YJU2: variants seen among roughly 807,000 people sequenced by gnomAD.
The protein encoded by YJU2 is YJU2 splicing factor homolog, also known as splicing factor YJU2.
Under a neutral mutation model 39.6 loss-of-function variants are expected in YJU2, and 28 were observed. That is an observed-to-expected ratio of 0.71 (90% confidence interval 0.52 to 0.97). The LOEUF is 0.97. YJU2 is among the 50% of genes least tolerant of loss of function. YJU2 has a pLI of 0.00. For missense variants in YJU2, 328 were observed against 430.4 expected, an observed-to-expected ratio of 0.76 and a Z score of 2.11; for synonymous variants, 184 against 182.4, an observed-to-expected ratio of 1.01 and a Z score of -0.07.
chr19:4,250,990 C>T (rs1415909350), intron 2 of YJU2, 37 bp from the exon 3 acceptor site: 2 of 1,601,984 alleles, frequency 1.2e-6, no homozygotes, highest in Non-Finnish European at 1.7e-6. Context: ...GAGCCAGCGT[C>T]CCAAGACAGC....
intron 4 of YJU2, among the ~76,000 whole-genome samples, chr19:4,256,405 G>C (rs1971021989): frequency 6.6e-6 from 1 of 151,808 alleles, no homozygotes; most frequent in African/African-American, 2.4e-5. Context: ...CCATGGCCAT[G>C]CAGAGCAACA....
chr19:4,248,942 C>T (rs1012007759), intron 1 of YJU2, among the ~76,000 whole-genome samples: 1 of 151,986 alleles, frequency 6.6e-6, no homozygotes, highest in Admixed American at 6.6e-5. Flanking sequence ...AAAACAAACC[C>T]TGGCTTTTTA....
intron 1 of YJU2, among the ~76,000 whole-genome samples, 189 bp from the exon 2 acceptor site, chr19:4,249,037 GGA>G: frequency 6.6e-6 from 1 of 152,252 alleles, no homozygotes; most frequent in Middle Eastern, 3.4e-3. Context: ...AACTCCACTA[GGA>G]GAGAGTCAGG....
intron 6 of YJU2, among the ~76,000 whole-genome samples, chr19:4,262,751 T>G (rs1350302547): frequency 6.6e-6 from 1 of 151,276 alleles, no homozygotes; most frequent in Non-Finnish European, 1.5e-5. Flanking sequence ...TTTACAAAAT[T>G]ACAAAAATTA....
intron 6 of YJU2, among the ~76,000 whole-genome samples, chr19:4,263,238 G>T (rs576423102): frequency 1.3e-5 from 2 of 152,080 alleles, no homozygotes; most frequent in Non-Finnish European, 2.9e-5. Context: ...CTAGGACTTC[G>T]GGCAGCTCTG....
chr19:4,263,290 A>T (rs1450872984), intron 6 of YJU2, among the ~76,000 whole-genome samples: 4 of 152,090 alleles, frequency 2.6e-5, no homozygotes, highest in African/African-American at 4.8e-5. Flanking sequence ...TTCCTTCTGG[A>T]GCACGGCTTC....
At chr19:4,250,988 G>A (rs759678293) in intron 2 of YJU2, 39 bp from the exon 3 acceptor site, 16 of 1,595,976 alleles carry the variant, frequency 1.0e-5, no homozygotes, top group African/African-American at 4.0e-5. Flanking sequence ...GGGAGCCAGC[G>A]TCCCAAGACA....
chr19:4,259,071 C>CTTTTTTTTTT (rs34728075), intron 5 of YJU2, among the ~76,000 whole-genome samples: 11 of 90,262 alleles, frequency 1.2e-4, no homozygotes, highest in African/African-American at 3.6e-4. Flanking sequence ...GAACACTTTT[C>CTTTTTTTTTT]TTTTTTTTTT....
At chr19:4,257,186 G>A (rs4807558) in intron 4 of YJU2, among the ~76,000 whole-genome samples, 78,401 of 151,884 alleles carry the variant, frequency 0.52, 21,098 homozygotes, top group East Asian at 0.65. Context: ...CTCAGTTTCC[G>A]TTTCTGTAAA....
chr19:4,248,585 G>A (rs1025229523), intron 1 of YJU2, among the ~76,000 whole-genome samples: 1 of 152,020 alleles, frequency 6.6e-6, no homozygotes, highest in Non-Finnish European at 1.5e-5. Context: ...CGGGGAACTC[G>A]GTCTCCTGCC....
chr19:4,251,360 G>A (rs1432894271), intron 3 of YJU2, among the ~76,000 whole-genome samples, 189 bp downstream of exon 3: 1 of 152,140 alleles, frequency 6.6e-6, no homozygotes, highest in Non-Finnish European at 1.5e-5. Flanking sequence ...AAAGACAGAA[G>A]CAACCTAGAT....
At chr19:4,258,497 C>A (rs1320674141) in intron 5 of YJU2, 74 bp downstream of exon 5, 2 of 1,504,196 alleles carry the variant, frequency 1.3e-6, no homozygotes, top group African/African-American at 2.8e-5. Context: ...TGCCCCAGAC[C>A]CTTTCCCCGC....
chr19:4,267,765 C>A lies in YJU2; in HGVS notation c.850C>A (p.Pro284Thr). Residue 284 changes from proline to threonine, a missense_variant, in exon 7 of 8, where the codon CCC becomes ACC. Pro to Thr is a conservative substitution (Grantham distance 38). Around this residue, in one of 2 missense-constraint regions of YJU2, gnomAD observed 244 missense variants for 264.6 expected, o/e 0.92. Coordinates refer to ENST00000262962, the MANE Select transcript of YJU2 (RefSeq NM_018074.6). ...DCSNGQPQAA[P>T]TPGAPQNRKE... The stretch of plus-strand genomic sequence containing the variant: ...CAGCAACGGGCAGCCTCAGGCGGCC[C>A]CCACCCCAGGTAAGGTCACAGAGTT... 6.2e-7 allele frequency: 1 copy of A among 1,611,908 alleles called. No homozygotes were observed. The highest frequency in any genetic ancestry group is 8.5e-7 in the Non-Finnish European group (1 of 1,179,362).
intron 5 of YJU2, among the ~76,000 whole-genome samples, 191 bp downstream of exon 5, chr19:4,258,614 T>C (rs1971043742): frequency 6.6e-6 from 1 of 152,238 alleles, no homozygotes; most frequent in African/African-American, 2.4e-5. Context: ...GCACGGTGAC[T>C]TAGCACGTGG....
At position 4,261,982 on chromosome 19, in the gene YJU2, T is replaced by G; in HGVS notation, c.588-12T>G. The stretch of plus-strand genomic sequence containing the variant: ...ACAGAGCACGTCCAAGTTCCCATCT[T>G]CCATCCCACAGGGCCCTGTTGGAGG... On this transcript the variant is annotated splice_polypyrimidine_tract_variant and intron_variant, in intron 5 of 7. Transcript: ENST00000262962. 1 of 1,612,292 alleles carries G rather than the reference T, an allele frequency of 6.2e-7. No homozygotes were observed. The highest frequency in any genetic ancestry group is 1.3e-5 in the African/African-American group (1 of 74,966).
At chr19:4,264,839 G>C (rs1971103713) in intron 6 of YJU2, among the ~76,000 whole-genome samples, 1 of 152,060 alleles carries the variant, frequency 6.6e-6, no homozygotes, top group African/African-American at 2.4e-5. Flanking sequence ...TGTTGCCCAG[G>C]CTGGTCTCAC....
chr19:4,259,038 A>G (rs1181209107), intron 5 of YJU2, among the ~76,000 whole-genome samples: 4 of 147,020 alleles, frequency 2.7e-5, no homozygotes, highest in Non-Finnish European at 6.0e-5. Context: ...CCTTCTGAGG[A>G]CACAGCCTCA....
rs536166831 is a variant in YJU2 at position 4,267,537 on chromosome 19, TG to T, written c.709-83del. On this transcript the variant is annotated intron_variant, in intron 6 of 7. Transcript: ENST00000262962. ...CAGTGCAGCAGTGGAAGAGTGGGCA[TG>T]GGGCAGTGAGCAGGGGTTGTGGCGA... The T allele has an allele frequency of 6.4e-4, 880 of 1,375,086 alleles. 7 individuals are homozygous for T. The African/African-American group carries it at 0.011, about 18-fold the overall frequency. The allele number at this position is 1,375,086 out of a possible 1,614,324, so 85.2% of individuals were successfully genotyped here. A position where few individuals can be genotyped will look rare whatever the true frequency, so the allele number is the denominator to read the frequency against.
intron 5 of YJU2, among the ~76,000 whole-genome samples, chr19:4,259,085 T>C (rs1194123236): frequency 3.0e-5 from 4 of 133,248 alleles, no homozygotes; most frequent in Non-Finnish European, 4.9e-5. Flanking sequence ...TTTTTTTTTT[T>C]TTTTTTTTTT....
Sources: allele counts gnomAD v4.1 joint callset (sites outside exome capture counted in the v4.1 genomes callset), GRCh38; gene constraint gnomAD v4.1.1; regional missense constraint gnomAD v4.1.1; transcripts MANE v1.5; gene names NCBI Gene and HGNC (gene_info 2026-07-23, HGNC 2026-07-21).